GALNT10: variants seen among roughly 807,000 people sequenced by gnomAD.
GALNT10 encodes polypeptide N-acetylgalactosaminyltransferase 10.
A neutral mutation model predicts 75.0 loss-of-function variants in GALNT10; 41 were observed. The ratio of observed to expected loss-of-function variants is 0.55; its 90% CI spans 0.43 to 0.71. The LOEUF (loss-of-function observed/expected upper bound fraction) is 0.71, where lower values mean the gene tolerates loss of function less well. GALNT10 is among the 30% of genes least tolerant of loss of function. The probability of loss-of-function intolerance (pLI) is 0.00; values close to 1 mark genes in which losing one functional copy is unlikely to be tolerated. For synonymous variants in GALNT10, 302 were observed against 313.0 expected, an observed-to-expected ratio of 0.96 and a Z score of 0.37; for missense variants, 727 against 818.5, an observed-to-expected ratio of 0.89 and a Z score of 1.36.
At chr5:154,375,886 C>T (rs1755646586) in intron 4 of GALNT10, among the ~76,000 whole-genome samples, 1 of 152,138 alleles carries the variant, frequency 6.6e-6, no homozygotes, top group Non-Finnish European at 1.5e-5. Context: ...CATGTTGGAC[C>T]CAGGGAATGG....
chr5:154,206,989 G>T (rs982656473), intron 1 of GALNT10, among the ~76,000 whole-genome samples: 1 of 152,220 alleles, frequency 6.6e-6, no homozygotes, highest in African/African-American at 2.4e-5. Flanking sequence ...TGCTATGCTA[G>T]GTTCTGAGGC....
At chr5:154,221,751 G>A (rs1752982044) in intron 1 of GALNT10, among the ~76,000 whole-genome samples, 1 of 152,200 alleles carries the variant, frequency 6.6e-6, no homozygotes, top group African/African-American at 2.4e-5. Context: ...TCATCTTCAA[G>A]CCACATTTAC....
At position 154,376,737 on chromosome 5, in the gene GALNT10, C is replaced by T. The variant is rs2032850; in HGVS notation, c.754+275C>T. ...AGCACATGAGCATCTAGTGACATGA[C>T]GGCTTTCCTCAGATGACTTCATTTT... On this transcript the variant is annotated intron_variant, in intron 5 of 11. Coordinates refer to ENST00000297107, the MANE Select transcript of GALNT10 (RefSeq NM_198321.4). This position sits in a 1 kb window ranked among gnomAD's most constrained non-coding sequence, Gnocchi z 4.1. Among the ~76,000 whole-genome samples the T allele has an allele frequency of 0.34, 51,432 of 152,034 alleles. 8,961 individuals are homozygous for T. The highest frequency in any genetic ancestry group is 0.52 in the East Asian group (2,681 of 5,172).
At chr5:154,389,760 T>C (rs1755865488) in intron 7 of GALNT10, among the ~76,000 whole-genome samples, 1 of 152,008 alleles carries the variant, frequency 6.6e-6, no homozygotes, top group Non-Finnish European at 1.5e-5. Context: ...AATAATACAA[T>C]TAAAAGTATA....
At chr5:154,340,746 A>C (rs76887193) in intron 4 of GALNT10, among the ~76,000 whole-genome samples, 2,088 of 152,274 alleles carry the variant, frequency 0.014, 44 homozygotes, top group African/African-American at 0.046. Flanking sequence ...AGCTTTCAAG[A>C]ACATCTTTAT....
intron 4 of GALNT10, among the ~76,000 whole-genome samples, chr5:154,332,538 C>T (rs995532183): frequency 2.6e-5 from 4 of 152,194 alleles, no homozygotes; most frequent in South Asian, 2.1e-4. Flanking sequence ...GCTGCATGCG[C>T]GGTTACATGG....
intron 1 of GALNT10, among the ~76,000 whole-genome samples, chr5:154,215,122 G>A (rs1752845286): frequency 6.6e-6 from 1 of 152,206 alleles, no homozygotes; most frequent in Non-Finnish European, 1.5e-5. Flanking sequence ...AGTTGGAAGG[G>A]AACGTTAGGA....
intron 4 of GALNT10, among the ~76,000 whole-genome samples, chr5:154,361,987 C>T (rs188660611): frequency 1.3e-5 from 2 of 152,232 alleles, no homozygotes. Context: ...TATGGCTCCA[C>T]CCAGACAGCC....
At chr5:154,240,685 T>C (rs1302646471) in intron 1 of GALNT10, among the ~76,000 whole-genome samples, 1 of 152,146 alleles carries the variant, frequency 6.6e-6, no homozygotes, top group Admixed American at 6.5e-5. Context: ...ATCATGCAAG[T>C]GTAGCTGAAA....
intron 1 of GALNT10, 125 bp from the exon 2 acceptor site, chr5:154,294,691 T>G: frequency 1.8e-6 from 1 of 544,286 alleles, no homozygotes; most frequent in East Asian, 3.0e-5. Flanking sequence ...GCTGAGGGAG[T>G]GGATAAAGGA....
chr5:154,215,055 GTGATTCTT>G, intron 1 of GALNT10, among the ~76,000 whole-genome samples: 1 of 152,328 alleles, frequency 6.6e-6, no homozygotes, highest in South Asian at 2.1e-4. Flanking sequence ...TATAACTTGT[GTGATTCTT>G]AAAAATTAAT....
At chr5:154,363,965 A>G (rs188921352) in intron 4 of GALNT10, among the ~76,000 whole-genome samples, 50 of 152,340 alleles carry the variant, frequency 3.3e-4, no homozygotes, top group African/African-American at 1.2e-3. Flanking sequence ...GTGCCCCTAC[A>G]GTATGCCAGG....
chr5:154,371,306 C>A (rs1755559347), intron 4 of GALNT10, among the ~76,000 whole-genome samples: 1 of 152,154 alleles, frequency 6.6e-6, no homozygotes, highest in South Asian at 2.1e-4. Flanking sequence ...AACATAACTA[C>A]ATCTGCAAAG....
chr5:154,319,294 C>A (rs1214845162), intron 3 of GALNT10, among the ~76,000 whole-genome samples: 1 of 152,242 alleles, frequency 6.6e-6, no homozygotes, highest in Admixed American at 6.5e-5. Context: ...ACAGAGAGGA[C>A]ACATCCCAAA....
At chr5:154,399,677 CTT>C (rs932269217) in intron 7 of GALNT10, among the ~76,000 whole-genome samples, 59 of 152,312 alleles carry the variant, frequency 3.9e-4, no homozygotes, top group Middle Eastern at 6.8e-3. Context: ...ATGCTCAAGA[CTT>C]TGAATCAGTC....
chr5:154,411,879 G>A (rs1189422266), intron 9 of GALNT10, among the ~76,000 whole-genome samples: 1 of 152,202 alleles, frequency 6.6e-6, no homozygotes, highest in African/African-American at 2.4e-5. Context: ...GACCACAACA[G>A]TGGTCTTACA....
chr5:154,389,845 T>C (rs1228073046), intron 7 of GALNT10, among the ~76,000 whole-genome samples: 1 of 152,062 alleles, frequency 6.6e-6, no homozygotes, highest in Admixed American at 6.6e-5. Context: ...ATGAAGTCTG[T>C]ATTACTGTAT....
In GALNT10 at chr5:154,268,184, G is replaced by C. The variant is rs111712596; in HGVS notation, c.160-26632G>C. On this transcript the variant is annotated intron_variant, in intron 1 of 11. Transcript: ENST00000297107. ...CCATCACCAAAGCAAAGTTAGCCAA[G>C]CACCTTGTAAGGGAGCAAGTCCCTA... Among the ~76,000 whole-genome samples, 361 of 152,310 alleles carry C rather than the reference G, an allele frequency of 2.4e-3. 2 individuals are homozygous for C. The highest frequency in any genetic ancestry group is 9.3e-3 in the South Asian group (45 of 4,830).
intron 4 of GALNT10, among the ~76,000 whole-genome samples, chr5:154,368,156 T>G (rs1755506648): frequency 6.6e-6 from 1 of 152,192 alleles, no homozygotes; most frequent in African/African-American, 2.4e-5. Context: ...AGAATGGACA[T>G]TTCTACTAAA....
Sources: gnomAD v4.1 joint callset for allele counts (sites outside exome capture counted in the v4.1 genomes callset) on GRCh38, gnomAD v4.1.1 for gene constraint, Gnocchi (gnomAD v3.1) non-coding constraint, MANE v1.5 for transcripts, NCBI Gene and HGNC (gene_info 2026-07-23, HGNC 2026-07-21) for gene names.